The following DGUOK variants were observed in gnomAD, a reference collection of about 807,000 sequenced individuals.
DGUOK encodes the protein deoxyguanosine kinase.
In DGUOK, 30 loss-of-function variants were observed where a neutral mutation model predicts 36.6. The observed-to-expected ratio is 0.82, with a 90% CI of 0.61 to 1.11. The LOEUF (loss-of-function observed/expected upper bound fraction) is 1.11, where lower values mean the gene tolerates loss of function less well. DGUOK is among the 50% of genes most tolerant of loss of function. DGUOK has a pLI of 0.00. For synonymous variants in DGUOK, 145 were observed against 126.3 expected (o/e 1.15, Z -0.99); for missense variants, 361 against 336.4 (o/e 1.07, Z -0.57).
chr2:73,953,546 A>G (rs960659043), intron 4 of DGUOK, among the ~76,000 whole-genome samples: 3 of 152,000 alleles, frequency 2.0e-5, no homozygotes, highest in African/African-American at 7.3e-5. Flanking sequence ...TGTGAAATTC[A>G]GAGGTAACTG....
intron 3 of DGUOK, 92 bp from the exon 4 acceptor site, chr2:73,950,493 T>C (rs1397599759): frequency 1.5e-6 from 2 of 1,362,648 alleles, no homozygotes; most frequent in East Asian, 4.6e-5. Context: ...AACAAGTTGG[T>C]TATTGATTTT....
Position 73,946,898 on chromosome 2 carries a change from C to T in DGUOK, c.435C>T (p.Tyr145=). Residue 145 remains tyrosine, a synonymous_variant, in exon 3 of 7, where the codon TAC becomes TAT. Coordinates refer to ENST00000264093, the MANE Select transcript of DGUOK (RefSeq NM_080916.3). ...KPVQIFERSV[Y]SDRYIFAKNL... ...TACAGATCTTTGAGAGGTCTGTGTA[C>T]AGTGACAGGTAAAATGCCAAGCCCT... 6.2e-7 allele frequency: 1 copy of T among 1,611,482 alleles called. No homozygotes were observed. Among genetic ancestry groups the T allele is most frequent in the Non-Finnish European group, 8.5e-7 (1 of 1,179,138 alleles).
intron 4 of DGUOK, 102 bp from the exon 5 acceptor site, chr2:73,957,023 G>A (rs188147416): frequency 3.2e-4 from 253 of 784,386 alleles, no homozygotes; most frequent in Non-Finnish European, 4.6e-4. Context: ...GGCTTGTAAT[G>A]CCCAAGATAG....
chr2:73,930,387 G>A (rs73950320), intron 1 of DGUOK, among the ~76,000 whole-genome samples: 9,451 of 152,210 alleles, frequency 0.062, 465 homozygotes, highest in African/African-American at 0.13. Flanking sequence ...AGCCAAATCC[G>A]AAACATTGAA....
intron 4 of DGUOK, 60 bp downstream of exon 4, chr2:73,950,792 C>A: frequency 6.2e-7 from 1 of 1,603,550 alleles, no homozygotes; most frequent in Admixed American, 1.7e-5. Flanking sequence ...AAGTGACATT[C>A]TCCAAGCCCC....
intron 1 of DGUOK, among the ~76,000 whole-genome samples, chr2:73,936,197 G>C (rs1681449733): frequency 1.3e-5 from 2 of 152,138 alleles, no homozygotes; most frequent in Admixed American, 1.3e-4. Flanking sequence ...TTTTAAGCGA[G>C]GGCTTACTCA....
At chr2:73,943,975 CTT>C (rs1422673379) in intron 2 of DGUOK, among the ~76,000 whole-genome samples, 1 of 152,068 alleles carries the variant, frequency 6.6e-6, no homozygotes, top group East Asian at 1.9e-4. Context: ...AGCTGATACT[CTT>C]TTCTTTTTCT....
Position 73,926,934 on chromosome 2 carries a change from A to G in DGUOK, c.24A>G (p.Leu8=), listed in dbSNP as rs1275164494. The part of the protein sequence containing the change: MAAGRLF[L]SRLRAPFSSM... ...GGATGGCCGCGGGCCGCCTCTTTCTAAGTCGGCTTCGAGCACCCTTCAGTT... is the reference window on the plus strand; with the variant it reads ...GGATGGCCGCGGGCCGCCTCTTTCTGAGTCGGCTTCGAGCACCCTTCAGTT... The change falls in exon 1 of 7, where the codon CTA becomes CTG. Residue 8 remains leucine (L), a synonymous_variant. Transcript: ENST00000264093. 5.6e-6 allele frequency: 9 copies of G among 1,613,592 alleles called. No individual in the cohort carries two copies. The highest frequency in any genetic ancestry group is 7.6e-6 in the Non-Finnish European group (9 of 1,180,042).
Position 73,950,734 on chromosome 2 carries a change from T to G in DGUOK, c.591+2T>G. ...ATCTACCTCCAGGCTTCTCCCCAGG[T>G]AACACTGAACCTACAACCTTAGACT... On this transcript the variant is annotated splice_donor_variant, in intron 4 of 6. Coordinates refer to ENST00000264093, the MANE Select transcript of DGUOK (RefSeq NM_080916.3). LOFTEE classifies it high-confidence loss of function. 6.2e-7 allele frequency: 1 copy of G among 1,614,164 alleles called. No individual in the cohort carries two copies. Among genetic ancestry groups the G allele is most frequent in the Non-Finnish European group, 8.5e-7 (1 of 1,180,032 alleles).
intron 5 of DGUOK, 107 bp downstream of exon 5, chr2:73,957,347 A>G (rs1683188377): frequency 1.2e-6 from 1 of 826,984 alleles, no homozygotes; most frequent in South Asian, 1.4e-5. Flanking sequence ...TTCAGAATAT[A>G]CTGGAAATGG....
Position 73,958,900 on chromosome 2 carries a change from T to C in DGUOK, c.*164T>C. On this transcript the variant is annotated 3_prime_UTR_variant, in exon 7 of 7. Transcript: ENST00000264093. Reference sequence around the variant, plus strand: ...AATTATTGTTAGACTTTGCCATTGTTTTCTTTTGTACCTGAAGCATTTTGA... The same window carrying C: ...AATTATTGTTAGACTTTGCCATTGTCTTCTTTTGTACCTGAAGCATTTTGA... 1.5e-6 allele frequency: 1 copy of C among 654,312 alleles called. No individual in the cohort carries two copies. Among genetic ancestry groups the C allele is most frequent in the South Asian group, 1.8e-5 (1 of 56,256 alleles). 40.5% of individuals were successfully genotyped at this position (654,312 alleles called of 1,614,324 possible). A position where few individuals can be genotyped will look rare whatever the true frequency, so the allele number is the denominator to read the frequency against.
At chr2:73,928,990 G>C (rs1045759004) in intron 1 of DGUOK, among the ~76,000 whole-genome samples, 1 of 152,334 alleles carries the variant, frequency 6.6e-6, no homozygotes. Flanking sequence ...TTTGGTGACA[G>C]GTTGAATGCA....
Position 73,954,210 on chromosome 2 carries a change from G to A in DGUOK, c.592-2915G>A, listed in dbSNP as rs186056551. 4.6e-5 allele frequency among the ~76,000 whole-genome samples: 7 copies of A among 152,220 alleles called. 1 individual carries two copies. In the South Asian group the frequency reaches 1.0e-3, roughly 23 times the overall value. On this transcript the variant is annotated intron_variant, in intron 4 of 6. Transcript: ENST00000264093. ...AAAATTTAAAAATTAGCCAAGCATG[G>A]TGGTGTGTCTGTATTCCCAGCTACT...
At chr2:73,945,137 C>T (rs893627842) in intron 2 of DGUOK, among the ~76,000 whole-genome samples, 3 of 152,108 alleles carry the variant, frequency 2.0e-5, no homozygotes, top group Non-Finnish European at 1.5e-5. Context: ...TCTTTTTTCT[C>T]CTTCTGTCCT....
At chr2:73,927,305 C>A (rs1017546682) in intron 1 of DGUOK, among the ~76,000 whole-genome samples, 6 of 152,146 alleles carry the variant, frequency 3.9e-5, no homozygotes, top group African/African-American at 1.4e-4. Context: ...GTGGATAGGA[C>A]AAGAATTGTA....
intron 1 of DGUOK, among the ~76,000 whole-genome samples, chr2:73,930,393 T>C (rs1332367336): frequency 1.3e-5 from 2 of 152,122 alleles, no homozygotes; most frequent in African/African-American, 4.8e-5. Context: ...ATCCGAAACA[T>C]TGAAAGGAAT....
chr2:73,930,714 C>T (rs187804192), intron 1 of DGUOK, among the ~76,000 whole-genome samples: 1 of 150,738 alleles, frequency 6.6e-6, no homozygotes, highest in Non-Finnish European at 1.5e-5. Context: ...GAATGGGATA[C>T]AGCTCCTGTC....
intron 3 of DGUOK, 127 bp downstream of exon 3, chr2:73,947,033 G>A: frequency 1.1e-6 from 1 of 883,660 alleles, no homozygotes; most frequent in South Asian, 1.4e-5. Flanking sequence ...CTTTTTTAAA[G>A]ACAACACTAT....
At chr2:73,948,481 A>C (rs1347696196) in intron 3 of DGUOK, among the ~76,000 whole-genome samples, 1 of 152,180 alleles carries the variant, frequency 6.6e-6, no homozygotes, top group African/African-American at 2.4e-5. Context: ...TCTAATCCCG[A>C]GGGTAATTTA....
Sources: allele counts gnomAD v4.1 joint callset (sites outside exome capture counted in the v4.1 genomes callset), GRCh38; gene constraint gnomAD v4.1.1; transcripts MANE v1.5; gene names NCBI Gene and HGNC (gene_info 2026-07-23, HGNC 2026-07-21).